Variants in AUTS2 observed in about 807,000 individuals in gnomAD.
The protein encoded by AUTS2 is activator of transcription and developmental regulator AUTS2, also known as autism susceptibility gene 2 protein.
A neutral mutation model predicts 112.4 loss-of-function variants in AUTS2; 17 were observed. The ratio of observed to expected loss-of-function variants is 0.15; its 90% confidence interval spans 0.10 to 0.23. The LOEUF (loss-of-function observed/expected upper bound fraction) is 0.23, where lower values mean the gene tolerates loss of function less well. Ranked by LOEUF, AUTS2 falls within the 10% of genes least tolerant of loss-of-function variation. The probability of loss-of-function intolerance (pLI) is 1.00; values close to 1 mark genes in which losing one functional copy is unlikely to be tolerated. For missense variants in AUTS2, 1,510 were observed against 1,701.6 expected, an observed-to-expected ratio of 0.89 and a Z score of 1.98; for synonymous variants, 751 against 702.7, an observed-to-expected ratio of 1.07 and a Z score of -1.09.
intron 1 of AUTS2, among the ~76,000 whole-genome samples, chr7:69,647,822 A>G: frequency 6.6e-6 from 1 of 152,238 alleles, no homozygotes; most frequent in East Asian, 1.9e-4. Context: ...TTAAGCCTAT[A>G]GGGGAATCTT....
chr7:69,772,033 C>T (rs1447772684), intron 1 of AUTS2, among the ~76,000 whole-genome samples: 1 of 152,140 alleles, frequency 6.6e-6, no homozygotes, highest in Non-Finnish European at 1.5e-5. Flanking sequence ...GATCTGCCTG[C>T]CTCGCCCTCC....
chr7:70,510,142 G>C (rs1381505475), intron 5 of AUTS2, among the ~76,000 whole-genome samples: 1 of 152,110 alleles, frequency 6.6e-6, no homozygotes, highest in Admixed American at 6.5e-5. Flanking sequence ...ATTTCTCCTG[G>C]GGCCTTGCTT....
At chr7:69,957,887 G>A (rs1797280277) in intron 2 of AUTS2, among the ~76,000 whole-genome samples, 1 of 152,130 alleles carries the variant, frequency 6.6e-6, no homozygotes, top group Non-Finnish European at 1.5e-5. Flanking sequence ...TAGGGCACAT[G>A]GTTTGGCAAA....
chr7:70,185,257 C>CTTTTTTTTTTTTTTTT lies in AUTS2; in HGVS notation c.660+50698_660+50713dup, dbSNP rs35215443. On this transcript the variant is annotated intron_variant, in intron 4 of 18. Transcript: ENST00000342771. Reference sequence around the variant, plus strand: ...TGCTTTGGGCCTAAATGACATTAAACTTTTTTTTTTTTTTTTTTTTTTTTT... The same window carrying CTTTTTTTTTTTTTTTT: ...TGCTTTGGGCCTAAATGACATTAAACTTTTTTTTTTTTTTTTTTTTTTTTTTTTTTTTTTTTTTTTT... Among the ~76,000 whole-genome samples, 328 of 87,094 alleles carry CTTTTTTTTTTTTTTTT rather than the reference C, an allele frequency of 3.8e-3. 14 individuals carry two copies. The highest frequency in any genetic ancestry group is 5.1e-3 in the Non-Finnish European group (233 of 45,862). The allele number at this position is 87,094 out of a possible 152,430, so 57.1% of individuals were successfully genotyped here. A position where few individuals can be genotyped will look rare whatever the true frequency, so the allele number is the denominator to read the frequency against.
intron 5 of AUTS2, among the ~76,000 whole-genome samples, chr7:70,599,092 G>A (rs1042392546): frequency 6.6e-6 from 1 of 152,120 alleles, no homozygotes; most frequent in Admixed American, 6.5e-5. Flanking sequence ...CCCTGCATAG[G>A]CTGTGTAGTG....
chr7:70,406,511 G>A (rs1255720594), intron 4 of AUTS2, among the ~76,000 whole-genome samples: 2 of 152,164 alleles, frequency 1.3e-5, no homozygotes, highest in Non-Finnish European at 2.9e-5. Context: ...GTTGGGCCCC[G>A]CCGGTTACAT....
At chr7:69,947,971 G>A (rs1796881671) in intron 2 of AUTS2, among the ~76,000 whole-genome samples, 1 of 152,080 alleles carries the variant, frequency 6.6e-6, no homozygotes, top group Non-Finnish European at 1.5e-5. Flanking sequence ...ATAAAGTTTT[G>A]TGTTTTTAAA....
intron 2 of AUTS2, among the ~76,000 whole-genome samples, chr7:69,958,072 T>C (rs1797287368): frequency 1.3e-5 from 2 of 152,198 alleles, no homozygotes; most frequent in East Asian, 1.9e-4. Flanking sequence ...GTCCTCACTC[T>C]TTTATTCATT....
intron 5 of AUTS2, among the ~76,000 whole-genome samples, chr7:70,586,175 T>C (rs1223111795): frequency 2.0e-5 from 3 of 152,170 alleles, no homozygotes; most frequent in Non-Finnish European, 4.4e-5. Flanking sequence ...AATAAAGTTT[T>C]AAAACACTCG....
At chr7:69,633,015 T>C (rs1583977378) in intron 1 of AUTS2, among the ~76,000 whole-genome samples, 6 of 152,310 alleles carry the variant, frequency 3.9e-5, no homozygotes, top group Admixed American at 3.9e-4. Context: ...TAATCCCAAA[T>C]ACAGTACAAT....
At chr7:69,687,272 A>C (rs1797102842) in intron 1 of AUTS2, among the ~76,000 whole-genome samples, 1 of 152,262 alleles carries the variant, frequency 6.6e-6, no homozygotes, top group African/African-American at 2.4e-5. Flanking sequence ...GCAGCAATGC[A>C]AACTGTGATT....
At chr7:70,507,151 TCA>T (rs756958760) in intron 5 of AUTS2, among the ~76,000 whole-genome samples, 15 of 152,174 alleles carry the variant, frequency 9.9e-5, no homozygotes, top group Non-Finnish European at 2.1e-4. Context: ...AGCCACAAAC[TCA>T]GTTTTAGCCT....
At chr7:70,319,547 C>A (rs1470281845) in intron 4 of AUTS2, among the ~76,000 whole-genome samples, 1 of 152,080 alleles carries the variant, frequency 6.6e-6, no homozygotes. Flanking sequence ...GTCAGGAAAA[C>A]CTGTGTATGT....
At chr7:70,001,408 G>A (rs972105154) in intron 2 of AUTS2, among the ~76,000 whole-genome samples, 1 of 152,060 alleles carries the variant, frequency 6.6e-6, no homozygotes, top group Non-Finnish European at 1.5e-5. Context: ...TTACAGGTGC[G>A]AGACACCACA....
intron 3 of AUTS2, among the ~76,000 whole-genome samples, chr7:70,130,381 C>G (rs1806208881): frequency 6.6e-6 from 1 of 151,980 alleles, no homozygotes; most frequent in South Asian, 2.1e-4. Context: ...GAAATGTTAA[C>G]TTCATGAGTT....
chr7:70,724,620 A>G (rs1353766691), intron 6 of AUTS2, among the ~76,000 whole-genome samples: 1 of 150,830 alleles, frequency 6.6e-6, no homozygotes, highest in Non-Finnish European at 1.5e-5. Context: ...TAATTTTTTT[A>G]TTTTTTAGTA....
chr7:70,365,696 A>G (rs192217699), intron 4 of AUTS2, among the ~76,000 whole-genome samples: 9 of 152,366 alleles, frequency 5.9e-5, no homozygotes, highest in Admixed American at 5.9e-4. Flanking sequence ...ACAAGGAACT[A>G]AGTGTATTTA....
At chr7:69,894,278 T>TTTTTC (rs1491190658) in intron 1 of AUTS2, among the ~76,000 whole-genome samples, 13 of 118,242 alleles carry the variant, frequency 1.1e-4, no homozygotes, top group South Asian at 5.6e-4. Context: ...TTTTTTTTTT[T>TTTTTC]AACAGATTTC....
At chr7:70,643,996 G>A (rs113483294) in intron 5 of AUTS2, among the ~76,000 whole-genome samples, 2,186 of 152,144 alleles carry the variant, frequency 0.014, 60 homozygotes, top group African/African-American at 0.048. Context: ...CCTGGGGTAC[G>A]GCCTGAGAAT....
Sources: gnomAD v4.1 joint callset for allele counts (sites outside exome capture counted in the v4.1 genomes callset) on GRCh38, gnomAD v4.1.1 for gene constraint, MANE v1.5 for transcripts, NCBI Gene and HGNC (gene_info 2026-07-23, HGNC 2026-07-21) for gene names.